Variants in VPS26A observed in about 807,000 individuals in gnomAD.
VPS26A encodes VPS26 retromer complex component A, also known as vacuolar protein sorting-associated protein 26A.
A neutral mutation model predicts 42.4 loss-of-function variants in VPS26A; 22 were observed. The observed-to-expected ratio is 0.52, with a 90% CI of 0.37 to 0.74. The LOEUF is 0.74. VPS26A is among the 30% of genes least tolerant of loss of function. The pLI, the probability that VPS26A is intolerant of heterozygous loss-of-function variation, is 0.00. For missense variants in VPS26A, 276 were observed against 379.2 expected (o/e 0.73, Z 2.26); for synonymous variants, 110 against 123.5 (o/e 0.89, Z 0.73).
chr10:69,146,252 G>A (rs1282394713), intron 2 of VPS26A, among the ~76,000 whole-genome samples: 4 of 151,928 alleles, frequency 2.6e-5, no homozygotes, highest in East Asian at 1.9e-4. Context: ...CTGCCACCGC[G>A]CCCAGCTAAT....
At chr10:69,170,833 T>G (rs571812875) in intron 8 of VPS26A, among the ~76,000 whole-genome samples, 4 of 152,302 alleles carry the variant, frequency 2.6e-5, no homozygotes, top group East Asian at 1.9e-4. Context: ...TGTTTTAATA[T>G]CTAAGTGACA....
chr10:69,155,909 T>G, intron 3 of VPS26A, 22 bp downstream of exon 3: 1 of 1,552,840 alleles, frequency 6.4e-7, no homozygotes, highest in Non-Finnish European at 8.8e-7. Context: ...AATAGTATTA[T>G]TTCTTTTTCT....
intron 1 of VPS26A, among the ~76,000 whole-genome samples, chr10:69,125,814 G>A (rs1441778477): frequency 6.6e-6 from 1 of 152,142 alleles, no homozygotes; most frequent in Admixed American, 6.5e-5. Flanking sequence ...GCAATGAGTT[G>A]CATTTCTTTA....
At chr10:69,155,768 C>T in intron 2 of VPS26A, 44 bp from the exon 3 acceptor site, 1 of 1,493,764 alleles carries the variant, frequency 6.7e-7, no homozygotes, top group African/African-American at 1.4e-5. Flanking sequence ...AGTAGGCCCA[C>T]TCATAGGATT....
chr10:69,162,820 A>G (rs1387515178), intron 6 of VPS26A, among the ~76,000 whole-genome samples: 1 of 152,248 alleles, frequency 6.6e-6, no homozygotes, highest in Non-Finnish European at 1.5e-5. Context: ...TATGTTTATT[A>G]TAAGTTTAAA....
At chr10:69,153,475 C>T (rs1589358485) in intron 2 of VPS26A, among the ~76,000 whole-genome samples, 1 of 151,456 alleles carries the variant, frequency 6.6e-6, no homozygotes, top group Admixed American at 6.6e-5. Flanking sequence ...TCCCTAGTAG[C>T]TGGGACTACA....
At chr10:69,151,143 T>G (rs1408741792) in intron 2 of VPS26A, among the ~76,000 whole-genome samples, 1 of 151,402 alleles carries the variant, frequency 6.6e-6, no homozygotes, top group Non-Finnish European at 1.5e-5. Context: ...CGGGCACTTG[T>G]AGTCCCAGCT....
At chr10:69,166,483 T>C (rs915005631) in intron 7 of VPS26A, among the ~76,000 whole-genome samples, 1 of 152,204 alleles carries the variant, frequency 6.6e-6, no homozygotes, top group Non-Finnish European at 1.5e-5. Flanking sequence ...TTGGAGTCAT[T>C]ATAGCTCTCA....
At chr10:69,149,145 A>T (rs1220221985) in intron 2 of VPS26A, among the ~76,000 whole-genome samples, 1 of 152,168 alleles carries the variant, frequency 6.6e-6, no homozygotes, top group Non-Finnish European at 1.5e-5. Flanking sequence ...TTATTCATTA[A>T]TAGCAAAGGG....
chr10:69,167,842 T>G (rs1841725083), intron 7 of VPS26A, among the ~76,000 whole-genome samples: 2 of 150,836 alleles, frequency 1.3e-5, no homozygotes, highest in Admixed American at 6.6e-5. Flanking sequence ...AATAAAAGAA[T>G]GTCATCATTC....
rs529385461 is a variant in VPS26A at position 69,160,346 on chromosome 10, G to C, written c.552-2060G>C. ...GGCTAATTTTTGTATTTTTAGTGGA[G>C]ACGGGGTTTCACCATGTTGGTCAGG... On this transcript the variant is annotated intron_variant, in intron 5 of 8. Transcript: ENST00000263559. Among the ~76,000 whole-genome samples, 839 of 152,036 alleles carry C rather than the reference G, an allele frequency of 5.5e-3. 9 individuals carry two copies. The highest frequency in any genetic ancestry group is 0.027 in the South Asian group (129 of 4,822).
intron 6 of VPS26A, 53 bp downstream of exon 6, chr10:69,162,565 T>A (rs1841586034): frequency 8.8e-7 from 1 of 1,132,182 alleles, no homozygotes; most frequent in Non-Finnish European, 1.2e-6. Context: ...TTGACATTTT[T>A]AAAATCTTAA....
At chr10:69,153,594 C>G (rs7918337) in intron 2 of VPS26A, among the ~76,000 whole-genome samples, 77,080 of 150,784 alleles carry the variant, frequency 0.51, 20,677 homozygotes, top group Middle Eastern at 0.73. Context: ...AATTAAGCAG[C>G]CTTCCTGCCT....
intron 2 of VPS26A, among the ~76,000 whole-genome samples, chr10:69,154,621 G>T (rs1300456917): frequency 1.3e-5 from 2 of 152,184 alleles, no homozygotes; most frequent in Non-Finnish European, 2.9e-5. Flanking sequence ...CCAGCACTTT[G>T]GGAGTCCAAT....
intron 2 of VPS26A, among the ~76,000 whole-genome samples, chr10:69,143,507 G>C (rs1182221693): frequency 2.0e-5 from 3 of 152,046 alleles, no homozygotes; most frequent in Non-Finnish European, 2.9e-5. Flanking sequence ...GGATTCTGCT[G>C]TTCTGTTAAC....
At chr10:69,124,807 A>G (rs1840614219) in intron 1 of VPS26A, among the ~76,000 whole-genome samples, 1 of 152,166 alleles carries the variant, frequency 6.6e-6, no homozygotes, top group Non-Finnish European at 1.5e-5. Flanking sequence ...TTCTGTTGAC[A>G]CTTGTAAAAT....
intron 2 of VPS26A, among the ~76,000 whole-genome samples, chr10:69,136,899 C>T (rs1208752471): frequency 2.0e-5 from 3 of 152,052 alleles, no homozygotes; most frequent in Admixed American, 1.3e-4. Flanking sequence ...TCAAGTGATT[C>T]TCCTGCCTCA....
chr10:69,133,685 G>GTT (rs1156589905), intron 2 of VPS26A: 3 of 1,049,694 alleles, frequency 2.9e-6, no homozygotes, highest in Admixed American at 2.5e-5. Context: ...TTTTTGTTTT[G>GTT]TTTTGTTTCG....
chr10:69,131,718 G>A (rs1162986885), intron 1 of VPS26A, among the ~76,000 whole-genome samples: 1 of 151,656 alleles, frequency 6.6e-6, no homozygotes, highest in Non-Finnish European at 1.5e-5. Flanking sequence ...GGGCAACAGA[G>A]CAAGACTCTG....
Sources: allele counts gnomAD v4.1 joint callset (sites outside exome capture counted in the v4.1 genomes callset), GRCh38; gene constraint gnomAD v4.1.1; transcripts MANE v1.5; gene names NCBI Gene and HGNC (gene_info 2026-07-23, HGNC 2026-07-21).